The following PCDHGB3 variants were observed in gnomAD, a reference collection of about 807,000 sequenced individuals.
The protein encoded by PCDHGB3 is protocadherin gamma subfamily B, 3.
In PCDHGB3, 40 loss-of-function variants were observed where a neutral mutation model predicts 59.2. The observed-to-expected ratio is 0.68, with a 90% CI of 0.52 to 0.88. The LOEUF (loss-of-function observed/expected upper bound fraction) is 0.88. Ranked by LOEUF, PCDHGB3 falls within the 40% of genes least tolerant of loss-of-function variation. The pLI, the probability that PCDHGB3 is intolerant of heterozygous loss-of-function variation, is 0.00. For missense variants in PCDHGB3, 1,309 were observed against 1,187.9 expected (o/e 1.10, Z -1.50); for synonymous variants, 581 against 503.6 (o/e 1.15, Z -2.06).
chr5:141,442,343 G>C (rs1300318674), intron 1 of PCDHGB3: 1 of 152,336 alleles, frequency 6.6e-6, no homozygotes, highest in Non-Finnish European at 1.5e-5. Flanking sequence ...CAGGTTTCTG[G>C]GTAACTGTAG....
intron 1 of PCDHGB3, chr5:141,384,918 C>T: frequency 6.2e-7 from 1 of 1,613,954 alleles, no homozygotes; most frequent in South Asian, 1.1e-5. Context: ...AAGTCTTGGC[C>T]GACCTGGGCA....
At chr5:141,403,978 C>T (rs965753943) in intron 1 of PCDHGB3, 2 of 1,613,714 alleles carry the variant, frequency 1.2e-6, no homozygotes, top group African/African-American at 2.7e-5. Context: ...ATGTAAATGA[C>T]AATAGACCTG....
At chr5:141,389,069 T>A in intron 1 of PCDHGB3, 1 of 1,614,016 alleles carries the variant, frequency 6.2e-7, no homozygotes, top group Non-Finnish European at 8.5e-7. Flanking sequence ...TATTAACTTC[T>A]TCAAGAAACA....
chr5:141,405,233 G>A (rs746061797), intron 1 of PCDHGB3: 10 of 1,613,914 alleles, frequency 6.2e-6, no homozygotes, highest in East Asian at 2.2e-5. Flanking sequence ...CTCCCTCACC[G>A]CTGACTCAAG....
intron 1 of PCDHGB3, chr5:141,373,964 C>A: frequency 1.0e-6 from 1 of 955,768 alleles, no homozygotes; most frequent in Non-Finnish European, 1.5e-6. Flanking sequence ...TGACCTGAAA[C>A]GCTTCGCATC....
chr5:141,504,680 A>G (rs912248504), intron 2 of PCDHGB3, among the ~76,000 whole-genome samples: 1 of 150,294 alleles, frequency 6.7e-6, no homozygotes, highest in Non-Finnish European at 1.5e-5. Flanking sequence ...GGGTTCTTGT[A>G]AAATAGGAGG....
chr5:141,451,212 G>A (rs2098710632), intron 1 of PCDHGB3, among the ~76,000 whole-genome samples: 1 of 152,156 alleles, frequency 6.6e-6, no homozygotes, highest in Non-Finnish European at 1.5e-5. Context: ...AAACTTAGTG[G>A]CTTAAAAGAA....
At chr5:141,414,356 T>C in intron 1 of PCDHGB3, 1 of 1,613,950 alleles carries the variant, frequency 6.2e-7, no homozygotes, top group Non-Finnish European at 8.5e-7. Flanking sequence ...TTGGCGTATC[T>C]ACCATTTAAA....
At position 141,372,676 on chromosome 5, in the gene PCDHGB3, C is replaced by G. The variant is rs370799055; in HGVS notation, c.2282C>G (p.Ser761Ter). The change falls in exon 1 of 4, where the codon TCA becomes TGA. Residue 761 changes from serine to a stop codon, truncating the protein, a stop_gained. Transcript: ENST00000576222. LOFTEE classifies it high-confidence loss of function. ...AATCCGTGTGCTGCCTCACATTCCT[C>G]AAACACCGAGTTTAAATTTCTCAAT... ...SYNPCAASHS[S>*]NTEFKFLNIK... The G allele has an allele frequency of 6.2e-7, 1 of 1,613,898 alleles. No individual in the cohort carries two copies. The highest frequency in any genetic ancestry group is 1.3e-5 in the African/African-American group (1 of 74,936).
At chr5:141,413,374 G>A (rs528233301) in intron 1 of PCDHGB3, 1 of 1,613,946 alleles carries the variant, frequency 6.2e-7, no homozygotes, top group East Asian at 2.2e-5. Context: ...GGCGGAGCGC[G>A]GAGTCCGCAT....
At chr5:141,409,036 C>T in intron 1 of PCDHGB3, 1 of 1,614,020 alleles carries the variant, frequency 6.2e-7, no homozygotes, top group Non-Finnish European at 8.5e-7. Context: ...CTGAGATAAA[C>T]TACTACTTCC....
rs1443411888 is a variant in PCDHGB3, at chr5:141,374,687, C to T, written c.2415+1878C>T. 3.7e-6 allele frequency: 6 copies of T among 1,609,326 alleles called. No individual in the cohort carries two copies. In the East Asian group the frequency reaches 6.7e-5, roughly 18 times the overall value. ...GCTGGTGCTGGAGGGCACACTGGAC[C>T]GGGAAGGAGAAGCCGTTTACCGCCT... is the stretch of plus-strand genomic sequence containing the variant. On this transcript the variant is annotated intron_variant, in intron 1 of 3. Transcript: ENST00000576222.
At chr5:141,461,422 C>A (rs2099015157) in intron 1 of PCDHGB3, among the ~76,000 whole-genome samples, 1 of 151,930 alleles carries the variant, frequency 6.6e-6, no homozygotes, top group African/African-American at 2.4e-5. Flanking sequence ...TGTTTGTGGG[C>A]CATTTGTATA....
chr5:141,375,486 G>C (rs1193457334), intron 1 of PCDHGB3: 1 of 1,613,796 alleles, frequency 6.2e-7, no homozygotes, highest in Non-Finnish European at 8.5e-7. Flanking sequence ...AACCCCAGGG[G>C]TGCCTCCATC....
chr5:141,372,155 G>T lies in PCDHGB3; in HGVS notation c.1761G>T (p.Leu587=). The change falls in exon 1 of 4, where the codon CTG becomes CTT. Residue 587 remains leucine, a synonymous_variant. Coordinates refer to ENST00000576222, the MANE Select transcript of PCDHGB3 (RefSeq NM_018924.5). ...CGCGCTCTGCAGAGCCTGGCTACCT[G>T]GTGACCAAGGTGGTGGCGGTGGACG... ...MVPRSAEPGY[L]VTKVVAVDAD... 6.2e-7 allele frequency: 1 copy of T among 1,613,796 alleles called. No homozygotes were observed. The highest frequency in any genetic ancestry group is 8.5e-7 in the Non-Finnish European group (1 of 1,179,938).
At chr5:141,469,804 T>C (rs1433459377) in intron 1 of PCDHGB3, among the ~76,000 whole-genome samples, 1 of 152,060 alleles carries the variant, frequency 6.6e-6, no homozygotes, top group Non-Finnish European at 1.5e-5. Context: ...TGCAAAAACA[T>C]TGTAGATAGA....
Position 141,431,804 on chromosome 5 carries a change from C to G in PCDHGB3, c.2415+58995C>G. On this transcript the variant is annotated intron_variant, in intron 1 of 3. Transcript: ENST00000576222. This position sits in a 1 kb window ranked among gnomAD's most constrained non-coding sequence, Gnocchi z 4.8. Reference sequence around the variant, plus strand: ...GAACGACAATGCCCCAGAAGTGGTCCTCACCTCTCTCGCCAGCTCGGTTCC... The same window carrying G: ...GAACGACAATGCCCCAGAAGTGGTCGTCACCTCTCTCGCCAGCTCGGTTCC... 6.2e-7 allele frequency: 1 copy of G among 1,614,232 alleles called. No homozygotes were observed. The highest frequency in any genetic ancestry group is 1.3e-5 in the African/African-American group (1 of 75,056).
In PCDHGB3 at chr5:141,431,777, G is replaced by C. The variant is rs151011884; in HGVS notation, c.2415+58968G>C. 1.2e-6 allele frequency: 2 copies of C among 1,614,188 alleles called. No individual in the cohort carries two copies. The highest frequency in any genetic ancestry group is 4.5e-5 in the East Asian group (2 of 44,870). ...CAAAGTCCTGATCACTGTTCTGGAC[G>C]TGAACGACAATGCCCCAGAAGTGGT... On this transcript the variant is annotated intron_variant, in intron 1 of 3. Coordinates refer to ENST00000576222, the MANE Select transcript of PCDHGB3 (RefSeq NM_018924.5). The surrounding 1 kb of genome is among the most constrained non-coding windows in gnomAD (Gnocchi z 4.8).
Position 141,405,224 on chromosome 5 carries a change from T to C in PCDHGB3, c.2415+32415T>C, listed in dbSNP as rs542102197. Reference sequence around the variant, plus strand: ...CCTACAGACCTATTCTCAGGAGTTCTCCCTCACCGCTGACTCAAGGAAGAG... The same window carrying C: ...CCTACAGACCTATTCTCAGGAGTTCCCCCTCACCGCTGACTCAAGGAAGAG... On this transcript the variant is annotated intron_variant, in intron 1 of 3. Coordinates refer to ENST00000576222, the MANE Select transcript of PCDHGB3 (RefSeq NM_018924.5). The C allele has an allele frequency of 2.6e-5, 42 of 1,614,036 alleles. No homozygotes were observed. The African/African-American group carries it at 4.7e-4, about 18-fold the overall frequency.
Sources: allele counts gnomAD v4.1 joint callset (sites outside exome capture counted in the v4.1 genomes callset), GRCh38; gene constraint gnomAD v4.1.1; non-coding constraint Gnocchi (gnomAD v3.1); transcripts MANE v1.5; gene names NCBI Gene and HGNC (gene_info 2026-07-23, HGNC 2026-07-21).